The following MORN1 variants were observed in gnomAD, a reference collection of about 807,000 sequenced individuals.
The protein encoded by MORN1 is MORN repeat-containing protein 1.
In MORN1, 67 loss-of-function variants were observed where a neutral mutation model predicts 61.9. That is an observed-to-expected ratio of 1.08 (90% CI 0.89 to 1.33). The LOEUF (loss-of-function observed/expected upper bound fraction) is 1.33, where lower values mean the gene tolerates loss of function less well. Among genes scored for constraint, MORN1 ranks in the 40% most tolerant of loss-of-function variants. The pLI, the probability that MORN1 is intolerant of heterozygous loss-of-function variation, is 0.00. For synonymous variants in MORN1, 301 were observed against 292.0 expected, an observed-to-expected ratio of 1.03 and a Z score of -0.31; for missense variants, 752 against 691.2, an observed-to-expected ratio of 1.09 and a Z score of -0.99.
chr1:2,381,945 CT>C (rs1253758163), intron 6 of MORN1, among the ~76,000 whole-genome samples: 2 of 152,134 alleles, frequency 1.3e-5, no homozygotes, highest in Non-Finnish European at 2.9e-5. Flanking sequence ...GCTGAGCACC[CT>C]GGTGCTGTCA....
At chr1:2,349,271 C>T (rs1641597595) in intron 10 of MORN1, among the ~76,000 whole-genome samples, 1 of 152,164 alleles carries the variant, frequency 6.6e-6, no homozygotes, top group Admixed American at 6.5e-5. Flanking sequence ...TAAGCTTTTA[C>T]CCAAAAGAGC....
At chr1:2,322,656 C>G (rs1640908818) in intron 13 of MORN1, 1 of 985,378 alleles carries the variant, frequency 1.0e-6, no homozygotes, top group South Asian at 4.7e-5. Context: ...GACAGCCTCC[C>G]TGGCGGGCGG....
intron 3 of MORN1, chr1:2,387,813 T>G: frequency 2.2e-6 from 1 of 457,608 alleles, no homozygotes; most frequent in East Asian, 3.5e-5. Context: ...AGGGTGAGGT[T>G]TTTCCCTGGC....
intron 12 of MORN1, 81 bp from the exon 13 acceptor site, chr1:2,324,224 A>G (rs565206639): frequency 6.3e-6 from 9 of 1,432,294 alleles, no homozygotes; most frequent in South Asian, 1.2e-5. Flanking sequence ...AACCAGGGCT[A>G]GTGGCTCCAG....
At chr1:2,384,241 A>G (rs2843128) in intron 6 of MORN1, among the ~76,000 whole-genome samples, 72,131 of 152,034 alleles carry the variant, frequency 0.47, 18,294 homozygotes, top group East Asian at 0.74. Context: ...CTCAGGCACC[A>G]ACCTTGACTC....
intron 13 of MORN1, chr1:2,322,336 A>G: frequency 2.0e-6 from 2 of 985,380 alleles, no homozygotes; most frequent in Non-Finnish European, 2.4e-6. Context: ...CCGGGCTCAC[A>G]CCAGGAATGC....
intron 10 of MORN1, among the ~76,000 whole-genome samples, chr1:2,355,783 C>T (rs751719458): frequency 1.3e-5 from 2 of 152,204 alleles, no homozygotes; most frequent in Non-Finnish European, 2.9e-5. Flanking sequence ...AACCACGCCC[C>T]TCAGCCCTCA....
chr1:2,324,572 A>G (rs2645074), intron 12 of MORN1, among the ~76,000 whole-genome samples: 48,159 of 152,058 alleles, frequency 0.32, 7,866 homozygotes, highest in East Asian at 0.58. Context: ...AAGTCTCAGC[A>G]AGAGGGACCA....
At chr1:2,383,806 T>C (rs2100364925) in intron 6 of MORN1, among the ~76,000 whole-genome samples, 1 of 152,316 alleles carries the variant, frequency 6.6e-6, no homozygotes, top group East Asian at 1.9e-4. Flanking sequence ...AGGCTCTCAA[T>C]TCCGCTAGTG....
intron 8 of MORN1, among the ~76,000 whole-genome samples, chr1:2,370,444 A>G (rs1294037179): frequency 6.6e-6 from 1 of 152,226 alleles, no homozygotes; most frequent in African/African-American, 2.4e-5. Context: ...GAATTCTTAA[A>G]TACGGTACCA....
chr1:2,355,541 G>GGCAGGA, intron 10 of MORN1: 4 of 1,509,136 alleles, frequency 2.7e-6, no homozygotes, highest in Non-Finnish European at 3.6e-6. Flanking sequence ...TGGGGGCAGG[G>GGCAGGA]GCACGGGCAT....
Position 2,324,111 on chromosome 1 carries a change from G to A in MORN1, c.1283C>T (p.Ala428Val), listed in dbSNP as rs377011119. 7.6e-5 allele frequency: 121 copies of A among 1,600,446 alleles called. No homozygotes were observed. The highest frequency in any genetic ancestry group is 5.1e-4 in the Middle Eastern group (3 of 5,860). ...TGTCCACCTACCTAGGTGTGCTGCC[G>A]CAGCCTGCTCCTCCGTGGCTCTCCC... ...PEGRATEEQA[A>V]AAHLGEYVLM... Residue 428 changes from alanine to valine, a missense_variant, in exon 13 of 14, where the codon GCG (alanine) becomes GTG (valine). Ala to Val is a moderately conservative substitution (Grantham distance 64). Coordinates refer to ENST00000378531, the MANE Select transcript of MORN1 (RefSeq NM_024848.3).
intron 8 of MORN1, among the ~76,000 whole-genome samples, chr1:2,368,962 C>A (rs192436815): frequency 9.2e-4 from 140 of 151,454 alleles, no homozygotes; most frequent in Non-Finnish European, 5.6e-4. Context: ...GAGGCTGAGG[C>A]AGGAGAATCG....
intron 4 of MORN1, chr1:2,387,188 C>T (rs1054417528): frequency 8.7e-6 from 5 of 575,210 alleles, no homozygotes; most frequent in South Asian, 4.3e-5. Context: ...TCCGCGGTAG[C>T]GGATGACAGA....
intron 8 of MORN1, among the ~76,000 whole-genome samples, chr1:2,369,176 C>T (rs775995126): frequency 2.0e-5 from 3 of 149,446 alleles, no homozygotes; most frequent in Non-Finnish European, 2.9e-5. Flanking sequence ...AGGGTGAAAC[C>T]CTGTCTGTAC....
intron 6 of MORN1, among the ~76,000 whole-genome samples, chr1:2,384,657 C>T (rs1001311028): frequency 2.1e-4 from 32 of 152,316 alleles, no homozygotes; most frequent in African/African-American, 7.2e-4. Context: ...CCGTGACTGG[C>T]CCCCAGCACC....
chr1:2,390,905 G>A, intron 1 of MORN1: 1 of 273,132 alleles, frequency 3.7e-6, no homozygotes. Flanking sequence ...GCACCACCCC[G>A]GGCCAATTTT....
In MORN1 at chr1:2,327,157, AAC is replaced by A. The variant is rs1349350477; in HGVS notation, c.1251-3016_1251-3015del. ...AGAAACACAGAGACACAGAAACAGA[AAC>A]ACACAGACAGAAACAAACACAGAGA... On this transcript the variant is annotated intron_variant, in intron 12 of 13. Transcript: ENST00000378531. 7.9e-5 allele frequency among the ~76,000 whole-genome samples: 9 copies of A among 113,704 alleles called. 1 individual carries two copies. The highest frequency in any genetic ancestry group is 3.2e-4 in the African/African-American group (8 of 24,832). The allele number at this position is 113,704 out of a possible 152,430, so 74.6% of individuals were successfully genotyped here. A position where few individuals can be genotyped will look rare whatever the true frequency, so the allele number is the denominator to read the frequency against.
rs760387258 is a variant in MORN1, at chr1:2,389,946, A to G, written c.127T>C (p.Trp43Arg). Residue 43 changes from tryptophan to arginine, a missense_variant, in exon 2 of 14, where the codon TGG (tryptophan) becomes CGG (arginine). By Grantham distance (101) the Trp-to-Arg change is moderately radical. Transcript: ENST00000378531. ...PNSFFRYEGE[W>R]KAGRKHGHGK... Reference sequence around the variant, plus strand: ...TCACCGTGCTTCCTCCCTGCTTTCCATTCTCCTTCATATCGAAAGAAGGAA... The same window carrying G: ...TCACCGTGCTTCCTCCCTGCTTTCCGTTCTCCTTCATATCGAAAGAAGGAA... The G allele has an allele frequency of 1.2e-6, 2 of 1,614,122 alleles. No individual in the cohort carries two copies. The highest frequency in any genetic ancestry group is 1.7e-6 in the Non-Finnish European group (2 of 1,179,988).
Sources: allele counts gnomAD v4.1 joint callset (sites outside exome capture counted in the v4.1 genomes callset), GRCh38; gene constraint gnomAD v4.1.1; transcripts MANE v1.5; gene names NCBI Gene and HGNC (gene_info 2026-07-23, HGNC 2026-07-21).